The following ZGRF1 variants were observed in gnomAD, a reference collection of about 807,000 sequenced individuals.
ZGRF1 encodes 5'-3' DNA helicase ZGRF1.
Under a neutral mutation model 203.5 loss-of-function variants are expected in ZGRF1, and 196 were observed. That is an observed-to-expected ratio of 0.96 (90% CI 0.86 to 1.08). The LOEUF (loss-of-function observed/expected upper bound fraction) is 1.08. ZGRF1 is among the 50% of genes least tolerant of loss of function. The pLI, the probability that ZGRF1 is intolerant of heterozygous loss-of-function variation, is 0.00. For missense variants in ZGRF1, 2,326 were observed against 2,416.3 expected, an observed-to-expected ratio of 0.96 and a Z score of 0.78; for synonymous variants, 809 against 841.3, an observed-to-expected ratio of 0.96 and a Z score of 0.66.
intron 24 of ZGRF1, among the ~76,000 whole-genome samples, chr4:112,543,600 C>G (rs1046773508): frequency 2.0e-5 from 3 of 152,098 alleles, no homozygotes; most frequent in South Asian, 2.1e-4. Flanking sequence ...AAGGGCAGAA[C>G]AGTGTGCAGA....
chr4:112,559,115 G>C (rs960232234), intron 19 of ZGRF1, among the ~76,000 whole-genome samples: 2 of 152,192 alleles, frequency 1.3e-5, no homozygotes, highest in African/African-American at 4.8e-5. Context: ...CAAAAGCTCT[G>C]TTTGCTATAG....
chr4:112,630,388 A>C (rs2047368663), intron 3 of ZGRF1, among the ~76,000 whole-genome samples: 1 of 151,522 alleles, frequency 6.6e-6, no homozygotes, highest in African/African-American at 2.4e-5. Context: ...CATGGTTGCA[A>C]GTGCCTGTAA....
chr4:112,612,193 TG>T (rs1460228754), intron 7 of ZGRF1, among the ~76,000 whole-genome samples: 1 of 152,192 alleles, frequency 6.6e-6, no homozygotes, highest in Non-Finnish European at 1.5e-5. Flanking sequence ...CTCGAATTCC[TG>T]ACCTCAAGTG....
At chr4:112,547,532 A>C in intron 23 of ZGRF1, 124 bp from the exon 24 acceptor site, 2 of 849,912 alleles carry the variant, frequency 2.4e-6, no homozygotes, top group Non-Finnish European at 3.6e-6. Context: ...CTGAGTACTA[A>C]TAAAGCTTAG....
chr4:112,623,625 T>A (rs2047133964), intron 4 of ZGRF1, among the ~76,000 whole-genome samples, 192 bp downstream of exon 4: 2 of 152,170 alleles, frequency 1.3e-5, no homozygotes, highest in African/African-American at 2.4e-5. Flanking sequence ...AGGTTTTTTT[T>A]AGATCATAAA....
chr4:112,586,591 G>A lies in ZGRF1; in HGVS notation c.3778-8C>T, dbSNP rs937208162. The A allele has an allele frequency of 6.3e-7, 1 of 1,588,250 alleles. No homozygotes were observed. Among genetic ancestry groups the A allele is most frequent in the Non-Finnish European group, 8.6e-7 (1 of 1,165,712 alleles). On this transcript the variant is annotated splice_polypyrimidine_tract_variant and splice_region_variant and intron_variant, in intron 12 of 27. Transcript: ENST00000505019. ...CTCAGAGCCACTTATCTCCTGCAAT[G>A]GAATAATTCAAGTTATCATAGCAAC...
intron 26 of ZGRF1, among the ~76,000 whole-genome samples, chr4:112,540,552 C>A (rs1307330614): frequency 6.6e-6 from 1 of 152,128 alleles, no homozygotes; most frequent in Non-Finnish European, 1.5e-5. Context: ...AAAGCATACA[C>A]CATATTTTCT....
At chr4:112,629,069 A>T (rs2149204170) in intron 3 of ZGRF1, among the ~76,000 whole-genome samples, 1 of 152,316 alleles carries the variant, frequency 6.6e-6, no homozygotes, top group East Asian at 1.9e-4. Context: ...TGTTGTTACT[A>T]CAATTAAACA....
At chr4:112,582,627 T>C (rs573771739) in intron 15 of ZGRF1, among the ~76,000 whole-genome samples, 1 of 152,136 alleles carries the variant, frequency 6.6e-6, no homozygotes, top group Non-Finnish European at 1.5e-5. Context: ...CTAATTTTTG[T>C]AGAGACGAGG....
Position 112,618,729 on chromosome 4 carries a change from T to G in ZGRF1, c.1313A>C (p.Lys438Thr). 1 of 1,611,080 alleles carries G rather than the reference T, an allele frequency of 6.2e-7. No homozygotes were observed. Among genetic ancestry groups the G allele is most frequent in the Non-Finnish European group, 8.5e-7 (1 of 1,179,214 alleles). Residue 438 changes from lysine to threonine, a missense_variant, in exon 6 of 28, where the codon AAA becomes ACA. Coordinates refer to ENST00000505019, the MANE Select transcript of ZGRF1 (RefSeq NM_018392.5). The part of the protein sequence containing the change: ...LSESDIQEDN[K>T]IPFNQNDKGC... ...CTTGTCATTTTGATTAAAAGGTATT[T>G]TATTATCTTCTTGAATGTCAGATTC...
Position 112,539,543 on chromosome 4 carries a change from C to A in ZGRF1, c.*4G>T, listed in dbSNP as rs1560720509. The A allele has an allele frequency of 1.6e-6, 2 of 1,286,486 alleles. No homozygotes were observed. The highest frequency in any genetic ancestry group is 2.1e-5 in the Admixed American group (1 of 48,664). 79.7% of individuals were successfully genotyped at this position (1,286,486 alleles called of 1,614,324 possible). ...TAAATACAAAATATTTACACCATGT[C>A]TTTTTATGAATGAGATTTATCTTTA... On this transcript the variant is annotated 3_prime_UTR_variant, in exon 28 of 28. Transcript: ENST00000505019.
chr4:112,623,690 C>A, intron 4 of ZGRF1, 127 bp downstream of exon 4: 1 of 601,902 alleles, frequency 1.7e-6, no homozygotes, highest in Admixed American at 3.4e-5. Context: ...AGCACAAAGT[C>A]TAGCTATAAT....
intron 18 of ZGRF1, 192 bp downstream of exon 18, chr4:112,562,179 G>T (rs545356065): frequency 5.7e-5 from 26 of 455,098 alleles, no homozygotes; most frequent in South Asian, 5.6e-4. Context: ...AAAGTGCTGG[G>T]ATTACAGGCA....
At chr4:112,631,626 C>A (rs1041512757) in intron 3 of ZGRF1, among the ~76,000 whole-genome samples, 1 of 152,000 alleles carries the variant, frequency 6.6e-6, no homozygotes, top group African/African-American at 2.4e-5. Flanking sequence ...GAGCCGAGAT[C>A]GTGCCACTGC....
Position 112,618,454 on chromosome 4 carries a change from C to A in ZGRF1, c.1588G>T (p.Val530Leu). 6.2e-7 allele frequency: 1 copy of A among 1,613,624 alleles called. No individual in the cohort carries two copies. Among genetic ancestry groups the A allele is most frequent in the South Asian group, 1.1e-5 (1 of 91,060 alleles). ...LSNVTQPFLE[V>L]TFNLNNFETS... Reference sequence around the variant, plus strand: ...TCAAAATTGTTCAGATTAAAAGTTACCTCCAAAAATGGTTGTGTTACATTA... The same window carrying A: ...TCAAAATTGTTCAGATTAAAAGTTAACTCCAAAAATGGTTGTGTTACATTA... Residue 530 changes from valine to leucine, a missense_variant, in exon 6 of 28, where the codon GTA becomes TTA. Coordinates refer to ENST00000505019, the MANE Select transcript of ZGRF1 (RefSeq NM_018392.5).
chr4:112,620,150 A>C lies in ZGRF1; in HGVS notation c.203T>G (p.Ile68Ser). The C allele has an allele frequency of 6.2e-7, 1 of 1,608,816 alleles. No individual in the cohort carries two copies. The highest frequency in any genetic ancestry group is 8.5e-7 in the Non-Finnish European group (1 of 1,178,394). Residue 68 changes from isoleucine to serine, a missense_variant, in exon 5 of 28, where the codon ATC becomes AGC. Physicochemically the swap from Ile to Ser is moderately radical, Grantham distance 142. Transcript: ENST00000505019. ...AGCAACTTTAACCTCTTCAACTGTGATTAAGTATCGATCACTTTCTAAGTC... is the reference window on the plus strand; with the variant it reads ...AGCAACTTTAACCTCTTCAACTGTGCTTAAGTATCGATCACTTTCTAAGTC... ...GDDLESDRYL[I>S]TVEEVKVAGA...
At chr4:112,631,227 C>A (rs939900490) in intron 3 of ZGRF1, among the ~76,000 whole-genome samples, 4 of 152,074 alleles carry the variant, frequency 2.6e-5, no homozygotes, top group Admixed American at 2.0e-4. Flanking sequence ...GTCTTGAACT[C>A]CAGGCTTCAA....
chr4:112,620,863 C>CA (rs554450313), intron 4 of ZGRF1, among the ~76,000 whole-genome samples: 2,679 of 61,604 alleles, frequency 0.043, 58 homozygotes, highest in Middle Eastern at 0.14. Context: ...GACCCTGTCT[C>CA]AAAAAAAAAA....
chr4:112,540,120 CA>C lies in ZGRF1; in HGVS notation c.5914del (p.Cys1972ValfsTer22). ...AAAGTCCACAGCACTGAGTAAATGA[CA>C]AAGCTGTGGAAGAAAAAACAGCAAT... ...TLYKSQMYKL[C>X]HLLSAVDFHH... On this transcript the variant is annotated frameshift_variant, in exon 27 of 28. Coordinates refer to ENST00000505019, the MANE Select transcript of ZGRF1 (RefSeq NM_018392.5). LOFTEE classifies it high-confidence loss of function. The C allele has an allele frequency of 6.5e-7, 1 of 1,543,602 alleles. No homozygotes were observed.
Sources: allele counts gnomAD v4.1 joint callset (sites outside exome capture counted in the v4.1 genomes callset), GRCh38; gene constraint gnomAD v4.1.1; transcripts MANE v1.5; gene names NCBI Gene and HGNC (gene_info 2026-07-23, HGNC 2026-07-21).